The following CNTNAP2 variants were observed in gnomAD, a reference collection of about 807,000 sequenced individuals.
CNTNAP2 encodes the protein contactin associated protein 2.
Under a neutral mutation model 155.2 loss-of-function variants are expected in CNTNAP2, and 98 were observed. That is an observed-to-expected ratio of 0.63 (90% confidence interval 0.54 to 0.75). The LOEUF (loss-of-function observed/expected upper bound fraction) is 0.75, where lower values mean the gene tolerates loss of function less well. Ranked by LOEUF, CNTNAP2 falls within the 30% of genes least tolerant of loss-of-function variation. CNTNAP2 has a pLI of 0.00. For synonymous variants in CNTNAP2, 651 were observed against 631.2 expected (o/e 1.03, Z -0.47); for missense variants, 1,727 against 1,688.1 (o/e 1.02, Z -0.40).
chr7:146,312,798 G>A (rs1399595047), intron 1 of CNTNAP2, among the ~76,000 whole-genome samples: 1 of 152,100 alleles, frequency 6.6e-6, no homozygotes. Context: ...ATATAAGTGA[G>A]ATCATACCGT....
At chr7:146,682,164 A>T (rs1234403370) in intron 1 of CNTNAP2, among the ~76,000 whole-genome samples, 1 of 152,158 alleles carries the variant, frequency 6.6e-6, no homozygotes, top group Non-Finnish European at 1.5e-5. Flanking sequence ...TCTTTGTATC[A>T]AAATTTTAAT....
intron 15 of CNTNAP2, among the ~76,000 whole-genome samples, chr7:148,026,312 G>T (rs9640249): frequency 0.24 from 36,514 of 151,508 alleles, 5,387 homozygotes; most frequent in East Asian, 0.5. Context: ...TTAAATTAGT[G>T]TGATGGTGCA....
At chr7:146,875,953 A>AAAAAAAC (rs1795417416) in intron 3 of CNTNAP2, among the ~76,000 whole-genome samples, 1 of 145,752 alleles carries the variant, frequency 6.9e-6, no homozygotes, top group African/African-American at 2.5e-5. Flanking sequence ...AAAAAAAAAA[A>AAAAAAAC]AAAAAAAACA....
At chr7:148,148,048 T>C (rs184785147) in intron 17 of CNTNAP2, among the ~76,000 whole-genome samples, 26 of 143,124 alleles carry the variant, frequency 1.8e-4, no homozygotes, top group African/African-American at 6.5e-4. Context: ...GGGGCACTTG[T>C]AACTGTGTGG....
intron 1 of CNTNAP2, among the ~76,000 whole-genome samples, chr7:146,261,526 G>C (rs1799918895): frequency 6.6e-6 from 1 of 151,782 alleles, no homozygotes; most frequent in East Asian, 1.9e-4. Flanking sequence ...ACACAATTAT[G>C]CTTCTTAAAT....
chr7:147,079,638 A>C (rs117408234), intron 4 of CNTNAP2, among the ~76,000 whole-genome samples: 8,160 of 150,442 alleles, frequency 0.054, 297 homozygotes, highest in Middle Eastern at 0.1. Context: ...AATAATAATA[A>C]ATTAATTATA....
chr7:147,781,436 G>A (rs968359155), intron 13 of CNTNAP2, among the ~76,000 whole-genome samples: 1 of 152,126 alleles, frequency 6.6e-6, no homozygotes, highest in Non-Finnish European at 1.5e-5. Context: ...CAGTGGCAGT[G>A]GACATGGCTA....
intron 14 of CNTNAP2, among the ~76,000 whole-genome samples, chr7:147,915,986 A>G (rs1490286403): frequency 1.3e-5 from 2 of 152,192 alleles, no homozygotes; most frequent in African/African-American, 2.4e-5. Flanking sequence ...CAACTCTTTT[A>G]GGAGCTTAAC....
chr7:146,962,598 T>G (rs1224092182), intron 3 of CNTNAP2, among the ~76,000 whole-genome samples: 2 of 152,236 alleles, frequency 1.3e-5, no homozygotes, highest in Non-Finnish European at 2.9e-5. Context: ...TTTCCGAGGC[T>G]GGAGTGCAGT....
At chr7:147,621,307 G>A (rs1794847295) in intron 12 of CNTNAP2, among the ~76,000 whole-genome samples, 2 of 152,012 alleles carry the variant, frequency 1.3e-5, no homozygotes, top group Admixed American at 6.6e-5. Flanking sequence ...AAACTCACTG[G>A]TAATATTAAG....
At chr7:146,138,644 A>G (rs1486645796) in intron 1 of CNTNAP2, among the ~76,000 whole-genome samples, 2 of 152,032 alleles carry the variant, frequency 1.3e-5, no homozygotes, top group Non-Finnish European at 2.9e-5. Context: ...TTGATCCTCT[A>G]TATCTCTAAG....
At chr7:146,427,329 AG>A (rs917362203) in intron 1 of CNTNAP2, among the ~76,000 whole-genome samples, 1 of 152,174 alleles carries the variant, frequency 6.6e-6, no homozygotes, top group African/African-American at 2.4e-5. Flanking sequence ...TTTAAGTTTC[AG>A]GGGTCAATCT....
chr7:147,399,109 A>G (rs1226379870), intron 10 of CNTNAP2, among the ~76,000 whole-genome samples: 2 of 152,142 alleles, frequency 1.3e-5, no homozygotes, highest in African/African-American at 4.8e-5. Flanking sequence ...AGGCACTTGC[A>G]TGATCCAGGA....
chr7:146,649,054 A>G (rs1429354693), intron 1 of CNTNAP2, among the ~76,000 whole-genome samples: 1 of 152,166 alleles, frequency 6.6e-6, no homozygotes, highest in Non-Finnish European at 1.5e-5. Flanking sequence ...TAAACTGAAA[A>G]TGAAGACCAA....
chr7:147,194,552 G>T (rs575458589), intron 8 of CNTNAP2, among the ~76,000 whole-genome samples: 1 of 152,248 alleles, frequency 6.6e-6, no homozygotes, highest in Non-Finnish European at 1.5e-5. Context: ...CAGTGTAAAA[G>T]TGTTCCTATT....
chr7:147,548,348 G>A (rs1463505552), intron 11 of CNTNAP2, among the ~76,000 whole-genome samples: 1 of 152,184 alleles, frequency 6.6e-6, no homozygotes, highest in Non-Finnish European at 1.5e-5. Flanking sequence ...GCATTTCTCT[G>A]ACGATCAGTG....
At chr7:147,391,150 T>C (rs1212447977) in intron 9 of CNTNAP2, among the ~76,000 whole-genome samples, 2 of 152,134 alleles carry the variant, frequency 1.3e-5, no homozygotes, top group African/African-American at 4.8e-5. Flanking sequence ...TATACAATGG[T>C]AGATTATGCA....
At chr7:147,072,763 AAAG>A (rs1799918864) in intron 4 of CNTNAP2, among the ~76,000 whole-genome samples, 2 of 152,036 alleles carry the variant, frequency 1.3e-5, no homozygotes, top group African/African-American at 4.8e-5. Context: ...AGATTTAAAG[AAAG>A]GATCACACAT....
At chr7:146,414,666 G>C (rs1795912074) in intron 1 of CNTNAP2, among the ~76,000 whole-genome samples, 1 of 152,052 alleles carries the variant, frequency 6.6e-6, no homozygotes, top group East Asian at 1.9e-4. Flanking sequence ...AAAAGACTAG[G>C]TTGGGGGTCA....
Sources: gnomAD v4.1 joint callset for allele counts (sites outside exome capture counted in the v4.1 genomes callset) on GRCh38, gnomAD v4.1.1 for gene constraint, MANE v1.5 for transcripts, NCBI Gene and HGNC (gene_info 2026-07-23, HGNC 2026-07-21) for gene names.